The following ZNF670 variants were observed in gnomAD, a reference collection of about 807,000 sequenced individuals.
ZNF670 encodes the protein zinc finger protein 670.
Under a neutral mutation model 10.9 loss-of-function variants are expected in ZNF670, and 7 were observed. The observed-to-expected ratio is 0.64, with a 90% CI of 0.36 to 1.20. The LOEUF (loss-of-function observed/expected upper bound fraction) is 1.20. Among genes scored for constraint, ZNF670 ranks in the 50% most tolerant of loss-of-function variants. The pLI, the probability that ZNF670 is intolerant of heterozygous loss-of-function variation, is 0.02. For synonymous variants in ZNF670, 136 were observed against 152.7 expected, an observed-to-expected ratio of 0.89 and a Z score of 0.81; for missense variants, 446 against 458.6, an observed-to-expected ratio of 0.97 and a Z score of 0.25.
intron 1 of ZNF670, among the ~76,000 whole-genome samples, chr1:247,062,633 C>T (rs143821699): frequency 5.3e-5 from 8 of 152,350 alleles, no homozygotes; most frequent in African/African-American, 1.9e-4. Context: ...CTAAAATGCT[C>T]AGTGACTGCT....
chr1:247,051,782 A>ATTTTTTTTTTTTTTTTTTTTT (rs58493948), intron 1 of ZNF670, among the ~76,000 whole-genome samples: 1 of 138,216 alleles, frequency 7.2e-6, no homozygotes, highest in African/African-American at 2.6e-5. Flanking sequence ...TTCTTTTTTC[A>ATTTTTTTTTTTTTTTTTTTTT]TTTTTTTTTT....
intron 1 of ZNF670, among the ~76,000 whole-genome samples, chr1:247,071,824 A>G (rs1276817398): frequency 6.6e-6 from 1 of 151,574 alleles, no homozygotes. Context: ...CTATTGCTAA[A>G]TATTTGTATT....
Position 247,060,408 on chromosome 1 carries a change from T to C in ZNF670, c.3+18186A>G, listed in dbSNP as rs541097027. Among the ~76,000 whole-genome samples, 54 of 152,280 alleles carry C rather than the reference T, an allele frequency of 3.5e-4. 2 individuals are homozygous for C. The South Asian group carries it at 0.011, about 30-fold the overall frequency. ...AAAGCAAATGTTGAACACCTGGACA[T>C]CCATACGCAAGGAAATAAAAAAGAC... On this transcript the variant is annotated intron_variant, in intron 1 of 3. Coordinates refer to ENST00000366503, the MANE Select transcript of ZNF670 (RefSeq NM_033213.5).
intron 1 of ZNF670, among the ~76,000 whole-genome samples, chr1:247,049,591 T>G (rs898936112): frequency 1.3e-5 from 2 of 152,232 alleles, no homozygotes; most frequent in Non-Finnish European, 2.9e-5. Flanking sequence ...GTTCCTCTAG[T>G]TCTTTCAGGT....
At chr1:247,076,801 C>G (rs1671265677) in intron 1 of ZNF670, among the ~76,000 whole-genome samples, 1 of 152,172 alleles carries the variant, frequency 6.6e-6, no homozygotes, top group Non-Finnish European at 1.5e-5. Context: ...GCTGGGATTA[C>G]AGGCATGCAC....
chr1:247,055,547 C>T (rs1364594929), intron 1 of ZNF670, among the ~76,000 whole-genome samples: 3 of 152,208 alleles, frequency 2.0e-5, no homozygotes, highest in Admixed American at 6.5e-5. Context: ...CTCACCCTTT[C>T]TATACACGCT....
Position 247,078,787 on chromosome 1 carries a change from C to T in ZNF670, c.-191G>A. The T allele has an allele frequency of 1.6e-6, 1 of 618,816 alleles. No individual in the cohort carries two copies. Among genetic ancestry groups the T allele is most frequent in the South Asian group, 2.0e-5 (1 of 49,352 alleles). 38.3% of individuals were successfully genotyped at this position (618,816 alleles called of 1,614,324 possible). A position where few individuals can be genotyped will look rare whatever the true frequency, so the allele number is the denominator to read the frequency against. ...CGCGCCAGGTCCCGGAAGCTGCTCCCTCCTTTCGCGGCGCGCTTGAGAGTA... is the reference window on the plus strand; with the variant it reads ...CGCGCCAGGTCCCGGAAGCTGCTCCTTCCTTTCGCGGCGCGCTTGAGAGTA... On this transcript the variant is annotated 5_prime_UTR_variant, in exon 1 of 4. Transcript: ENST00000366503.
chr1:247,056,727 T>C (rs1670723293), intron 1 of ZNF670, among the ~76,000 whole-genome samples: 1 of 152,088 alleles, frequency 6.6e-6, no homozygotes, highest in Non-Finnish European at 1.5e-5. Context: ...TTGACAAAGG[T>C]ACCAAGAACA....
chr1:247,042,147 C>T (rs1306271570), intron 1 of ZNF670, among the ~76,000 whole-genome samples: 1 of 152,188 alleles, frequency 6.6e-6, no homozygotes, highest in East Asian at 1.9e-4. Context: ...TAAAAGAACA[C>T]AATTTTTATG....
rs1429816234 is a variant in ZNF670 at position 247,035,336 on chromosome 1, TA to T, written c.*2112del. 2.0e-5 allele frequency among the ~76,000 whole-genome samples: 3 copies of T among 152,130 alleles called. No individual in the cohort carries two copies. The highest frequency in any genetic ancestry group is 7.2e-5 in the African/African-American group (3 of 41,414). Reference sequence around the variant, plus strand: ...CATAGACAAAAAAGGGAGGGTTCTGTAAACGAGGCTGGTCCACACAAGACTT... The same window carrying T: ...CATAGACAAAAAAGGGAGGGTTCTGTAACGAGGCTGGTCCACACAAGACTT... On this transcript the variant is annotated 3_prime_UTR_variant, in exon 4 of 4. Transcript: ENST00000366503.
chr1:247,045,939 C>A (rs115816798), intron 1 of ZNF670, among the ~76,000 whole-genome samples: 1 of 152,126 alleles, frequency 6.6e-6, no homozygotes, highest in Non-Finnish European at 1.5e-5. Context: ...ACCCATGTTA[C>A]ACCCTGGCAA....
At position 247,035,747 on chromosome 1, in the gene ZNF670, A is replaced by C. The variant is rs1670135262; in HGVS notation, c.*1702T>G. On this transcript the variant is annotated 3_prime_UTR_variant, in exon 4 of 4. Transcript: ENST00000366503. ...TATACTAGGGCACACCAATTTGACTATAAATGCAAAAGGCCCCAACAATAC... is the reference window on the plus strand; with the variant it reads ...TATACTAGGGCACACCAATTTGACTCTAAATGCAAAAGGCCCCAACAATAC... Among the ~76,000 whole-genome samples, 1 of 152,228 alleles carries C rather than the reference A, an allele frequency of 6.6e-6. No individual in the cohort carries two copies. Among genetic ancestry groups the C allele is most frequent in the Non-Finnish European group, 1.5e-5 (1 of 68,042 alleles).
intron 1 of ZNF670, among the ~76,000 whole-genome samples, chr1:247,078,301 C>T (rs370223884): frequency 8.5e-4 from 129 of 152,334 alleles, no homozygotes; most frequent in African/African-American, 3.0e-3. Flanking sequence ...AACCCCAAGT[C>T]GGGACTCTCC....
chr1:247,041,201 CA>C lies in ZNF670; in HGVS notation c.4-1665del, dbSNP rs367979763. 7.4e-4 allele frequency among the ~76,000 whole-genome samples: 112 copies of C among 152,028 alleles called. 5 individuals carry two copies. The East Asian group carries it at 0.021, about 29-fold the overall frequency. On this transcript the variant is annotated intron_variant, in intron 1 of 3. Transcript: ENST00000366503. Reference sequence around the variant, plus strand: ...AATACGTTCAGACTTCGAAGGAAAACAGGGGTATTTTTGGACAGAAAAATGG... The same window carrying C: ...AATACGTTCAGACTTCGAAGGAAAACGGGGTATTTTTGGACAGAAAAATGG...
intron 1 of ZNF670, among the ~76,000 whole-genome samples, chr1:247,068,337 A>AAAAAAAAAAAAAAAAAAAAATG (rs1671039909): frequency 6.7e-6 from 1 of 148,436 alleles, no homozygotes; most frequent in Non-Finnish European, 1.5e-5. Context: ...AAAAAAAAAA[A>AAAAAAAAAAAAAAAAAAAAATG]GATGGGCAAA....
In ZNF670 at chr1:247,037,663, T is replaced by C. The variant is rs1670191784; in HGVS notation, c.956A>G (p.Lys319Arg). Residue 319 changes from lysine (K) to arginine (R), a missense_variant, in exon 4 of 4, where the codon AAA (lysine) becomes AGA (arginine). Lys to Arg is a conservative substitution (Grantham distance 26). Transcript: ENST00000366503. The stretch of plus-strand genomic sequence containing the variant: ...ATGCTCACATAGGTTACTAGAATAT[T>C]TGAAGGCTTTACCACATTGTTTACA... The part of the protein sequence containing the change: ...YECKQCGKAF[K>R]YSSNLCEHER... 2 of 1,613,924 alleles carry C rather than the reference T, an allele frequency of 1.2e-6. No homozygotes were observed. The highest frequency in any genetic ancestry group is 1.7e-5 in the Admixed American group (1 of 59,998).
chr1:247,066,393 G>C (rs1188965918), intron 1 of ZNF670, among the ~76,000 whole-genome samples: 1 of 152,096 alleles, frequency 6.6e-6, no homozygotes, highest in Non-Finnish European at 1.5e-5. Flanking sequence ...AGCCCCCATG[G>C]ACACTTGAGC....
chr1:247,069,093 TAGAA>T (rs1671059043), intron 1 of ZNF670, among the ~76,000 whole-genome samples: 5 of 150,528 alleles, frequency 3.3e-5, no homozygotes, highest in South Asian at 2.1e-4. Flanking sequence ...AAAAAATACT[TAGAA>T]AGAATAAAAA....
intron 1 of ZNF670, among the ~76,000 whole-genome samples, chr1:247,058,216 A>G (rs1207052132): frequency 2.0e-5 from 3 of 152,226 alleles, no homozygotes; most frequent in Non-Finnish European, 2.9e-5. Context: ...CTAGAAATCG[A>G]TAACAGAAAT....
Sources: allele counts gnomAD v4.1 joint callset (sites outside exome capture counted in the v4.1 genomes callset), GRCh38; gene constraint gnomAD v4.1.1; transcripts MANE v1.5; gene names NCBI Gene and HGNC (gene_info 2026-07-23, HGNC 2026-07-21).